The following NRXN3 variants were observed in gnomAD, a reference collection of about 807,000 sequenced individuals.
NRXN3 encodes neurexin III.
A neutral mutation model predicts 137.6 loss-of-function variants in NRXN3; 32 were observed. That is an observed-to-expected ratio of 0.23 (90% CI 0.18 to 0.31). NRXN3 has a LOEUF of 0.31. Among genes scored for constraint, NRXN3 ranks in the 10% least tolerant of loss-of-function variants. NRXN3 has a pLI of 1.00. For synonymous variants in NRXN3, 798 were observed against 784.5 expected (o/e 1.02, Z -0.29); for missense variants, 1,574 against 2,062.5 (o/e 0.76, Z 4.59).
In NRXN3 at chr14:79,499,956, C is replaced by CGTGTGTGTGTGTGTGT. The variant is rs35371414; in HGVS notation, c.3444+32575_3444+32590dup. Among the ~76,000 whole-genome samples the CGTGTGTGTGTGTGTGT allele has an allele frequency of 9.0e-5, 13 of 145,234 alleles. No homozygotes were observed. The South Asian group carries it at 1.1e-3, about 13-fold the overall frequency. ...GGTTTTCTGTCAGTTATCTTAGGGT[C>CGTGTGTGTGTGTGTGT]GTGTGTGTGTGTGTGTGTGTGTGTG... On this transcript the variant is annotated intron_variant, in intron 16 of 20. Transcript: ENST00000335750.
At chr14:78,188,686 A>G (rs1450057933) in intron 1 of NRXN3, among the ~76,000 whole-genome samples, 3 of 152,226 alleles carry the variant, frequency 2.0e-5, no homozygotes, top group African/African-American at 7.2e-5. Flanking sequence ...CTTTGGAATC[A>G]GAGCAGCCAA....
rs114729684 is a variant in NRXN3, at chr14:79,670,992, T to A, written c.3616+7043T>A. ...AGGGACATGTGCACTGAATAAACAC[T>A]TTCTCCCAGAGGTGTAGGAAGTGGC... On this transcript the variant is annotated intron_variant, in intron 17 of 20. Transcript: ENST00000335750. Among the ~76,000 whole-genome samples the A allele has an allele frequency of 5.3e-3, 804 of 152,212 alleles. 7 individuals are homozygous for A. The highest frequency in any genetic ancestry group is 0.018 in the African/African-American group (743 of 41,554).
chr14:78,764,253 T>C lies in NRXN3; in HGVS notation c.2045-39367T>C, dbSNP rs1261402486. On this transcript the variant is annotated intron_variant, in intron 8 of 20. Transcript: ENST00000335750. Reference sequence around the variant, plus strand: ...AAAGCAACAGAAGTTAGATATTCTATAATAAAGTTATCGGTTGCATGTTGC... The same window carrying C: ...AAAGCAACAGAAGTTAGATATTCTACAATAAAGTTATCGGTTGCATGTTGC... 4.6e-5 allele frequency among the ~76,000 whole-genome samples: 7 copies of C among 152,210 alleles called. No homozygotes were observed. In the East Asian group the frequency reaches 1.2e-3, roughly 25 times the overall value.
At chr14:78,293,948 C>T (rs774511880) in intron 3 of NRXN3, among the ~76,000 whole-genome samples, 2 of 152,212 alleles carry the variant, frequency 1.3e-5, no homozygotes, top group African/African-American at 4.8e-5. Flanking sequence ...TACCAATGCA[C>T]TTTATGATCC....
intron 15 of NRXN3, among the ~76,000 whole-genome samples, chr14:79,444,824 T>C (rs2096030683): frequency 6.6e-6 from 1 of 152,010 alleles, no homozygotes; most frequent in African/African-American, 2.4e-5. Flanking sequence ...AGACCTTGTC[T>C]CTAAAAAAAT....
intron 15 of NRXN3, among the ~76,000 whole-genome samples, chr14:79,183,019 A>G (rs2153139012): frequency 6.6e-6 from 1 of 152,320 alleles, no homozygotes; most frequent in South Asian, 2.1e-4. Flanking sequence ...ATATTGCTAT[A>G]AAATCAGAAT....
intron 15 of NRXN3, among the ~76,000 whole-genome samples, chr14:79,446,704 C>G (rs1317212065): frequency 6.6e-6 from 1 of 152,024 alleles, no homozygotes; most frequent in African/African-American, 2.4e-5. Flanking sequence ...AATAGTTTCT[C>G]TCCTTTAAAG....
intron 17 of NRXN3, among the ~76,000 whole-genome samples, chr14:79,682,446 A>G (rs970133960): frequency 2.0e-5 from 3 of 152,148 alleles, no homozygotes; most frequent in Non-Finnish European, 4.4e-5. Flanking sequence ...GAAAATTTTG[A>G]TTCTTGTACC....
rs3035591 is a variant in NRXN3 at position 79,140,573 on chromosome 14, CTGTGTGTGTGTG to C, written c.3262+152459_3262+152470del. ...CAATTGTTATTATCACCCCACCTCACTGTGTGTGTGTGTGTGTGTGTGTGTGTGTGTGTGTGT... is the reference window on the plus strand; with the variant it reads ...CAATTGTTATTATCACCCCACCTCACTGTGTGTGTGTGTGTGTGTGTGTGT... On this transcript the variant is annotated intron_variant, in intron 15 of 20. Coordinates refer to ENST00000335750, the MANE Select transcript of NRXN3 (RefSeq NM_001330195.2). Among the ~76,000 whole-genome samples, 30 of 143,926 alleles carry C rather than the reference CTGTGTGTGTGTG, an allele frequency of 2.1e-4. 1 individual carries two copies. In the South Asian group the frequency reaches 4.0e-3, roughly 19 times the overall value. 94.4% of individuals were successfully genotyped at this position (143,926 alleles called of 152,430 possible).
At chr14:79,424,676 C>T (rs2095628278) in intron 15 of NRXN3, among the ~76,000 whole-genome samples, 1 of 152,144 alleles carries the variant, frequency 6.6e-6, no homozygotes, top group Admixed American at 6.5e-5. Flanking sequence ...ACCACATTCT[C>T]AGAGCCTCTG....
At chr14:79,205,872 A>G (rs1320215735) in intron 15 of NRXN3, among the ~76,000 whole-genome samples, 2 of 152,164 alleles carry the variant, frequency 1.3e-5, no homozygotes, top group African/African-American at 4.8e-5. Flanking sequence ...ATTTCAAGGA[A>G]CTTCAAACAC....
At chr14:79,676,511 A>G (rs1222103135) in intron 17 of NRXN3, among the ~76,000 whole-genome samples, 1 of 151,876 alleles carries the variant, frequency 6.6e-6, no homozygotes, top group Non-Finnish European at 1.5e-5. Context: ...TGTACAACAT[A>G]AGGACTATAT....
intron 15 of NRXN3, among the ~76,000 whole-genome samples, chr14:79,358,336 A>G (rs375093538): frequency 5.6e-4 from 85 of 151,950 alleles, no homozygotes; most frequent in African/African-American, 2.0e-3. Flanking sequence ...TTTGGGAGGC[A>G]GAGGCGAGCC....
chr14:78,182,848 A>G (rs2059929051), intron 1 of NRXN3, among the ~76,000 whole-genome samples: 1 of 152,170 alleles, frequency 6.6e-6, no homozygotes, highest in African/African-American at 2.4e-5. Flanking sequence ...CAGGTGAGAA[A>G]AAAAAAGTTT....
chr14:79,265,400 C>T (rs1338349937), intron 15 of NRXN3, among the ~76,000 whole-genome samples: 2 of 151,894 alleles, frequency 1.3e-5, no homozygotes, highest in Non-Finnish European at 2.9e-5. Context: ...GAGTAATTCC[C>T]GAAGCAACAA....
At chr14:78,280,313 A>G (rs932629557) in intron 3 of NRXN3, among the ~76,000 whole-genome samples, 5 of 152,322 alleles carry the variant, frequency 3.3e-5, no homozygotes, top group East Asian at 3.8e-4. Context: ...CATGTTTTGT[A>G]TATGCATGTT....
rs1202463044 is a variant in NRXN3, at chr14:78,918,306, AAGAG to A, written c.2276-38924_2276-38921del. Reference sequence around the variant, plus strand: ...ATCTCAAAAAAAAAAAAAAAAAAAAAAGAGAGAGAGAGAGAAAAGAAATATCTGT... The same window carrying A: ...ATCTCAAAAAAAAAAAAAAAAAAAAAAGAGAGAGAGAAAAGAAATATCTGT... On this transcript the variant is annotated intron_variant, in intron 10 of 20. Transcript: ENST00000335750. Among the ~76,000 whole-genome samples the A allele has an allele frequency of 2.1e-3, 287 of 138,766 alleles. 2 individuals are homozygous for A. The highest frequency in any genetic ancestry group is 2.6e-3 in the Non-Finnish European group (175 of 66,904). The allele number at this position is 138,766 out of a possible 152,430, so 91.0% of individuals were successfully genotyped here.
In NRXN3 at chr14:79,641,304, G is replaced by A. The variant is rs140727541; in HGVS notation, c.3445-22474G>A. Among the ~76,000 whole-genome samples, 3 of 135,324 alleles carry A rather than the reference G, an allele frequency of 2.2e-5. 1 individual carries two copies. Among genetic ancestry groups the A allele is most frequent in the East Asian group, 3.9e-4 (2 of 5,080 alleles). The allele number at this position is 135,324 out of a possible 152,430, so 88.8% of individuals were successfully genotyped here. A position where few individuals can be genotyped will look rare whatever the true frequency, so the allele number is the denominator to read the frequency against. On this transcript the variant is annotated intron_variant, in intron 16 of 20. Transcript: ENST00000335750. ...ATTACAGGCATGAGCCACCGCGCTC[G>A]GCCTCTTCTTTACTATAGAGTAAAA...
At chr14:78,382,687 G>A (rs556117399) in intron 4 of NRXN3, among the ~76,000 whole-genome samples, 31 of 152,162 alleles carry the variant, frequency 2.0e-4, no homozygotes, top group Middle Eastern at 3.2e-3. Flanking sequence ...CTCTTGGCAC[G>A]TGCTCATGGC....
Sources: gnomAD v4.1 joint callset for allele counts (sites outside exome capture counted in the v4.1 genomes callset) on GRCh38, gnomAD v4.1.1 for gene constraint, MANE v1.5 for transcripts, NCBI Gene and HGNC (gene_info 2026-07-23, HGNC 2026-07-21) for gene names.